The following ARSJ variants were observed in gnomAD, a reference collection of about 807,000 sequenced individuals.
ARSJ encodes arylsulfatase J.
Under a neutral mutation model 35.9 loss-of-function variants are expected in ARSJ, and 26 were observed. That is an observed-to-expected ratio of 0.72 (90% CI 0.53 to 1.00). ARSJ has a LOEUF of 1.00. Ranked by LOEUF, ARSJ falls within the 50% of genes least tolerant of loss-of-function variation. The pLI, the probability that ARSJ is intolerant of heterozygous loss-of-function variation, is 0.00. For missense variants in ARSJ, 667 were observed against 723.6 expected (o/e 0.92, Z 0.90); for synonymous variants, 294 against 267.6 (o/e 1.10, Z -0.96).
intron 1 of ARSJ, chr4:113,906,800 C>A: frequency 2.2e-6 from 1 of 453,620 alleles, no homozygotes; most frequent in South Asian, 1.6e-5. Flanking sequence ...TGGAAGGGAG[C>A]AGAGTCTAGT....
Position 113,902,961 on chromosome 4 carries a change from A to G in ARSJ, c.1113T>C (p.Cys371=). The G allele has an allele frequency of 1.2e-6, 2 of 1,614,192 alleles. No homozygotes were observed. The highest frequency in any genetic ancestry group is 1.7e-6 in the Non-Finnish European group (2 of 1,180,032). ...AGTCAGTGATGTGCACAAGTTCCTT[A>G]CACACTGTTCCCTTGTTTTTCAGAA... ...SPLLKNKGTV[C]KELVHITDWY... The change falls in exon 2 of 2, where the codon TGT becomes TGC. Residue 371 remains cysteine (C), a synonymous_variant. Transcript: ENST00000315366.
At position 113,978,920 on chromosome 4, in the gene ARSJ, A is replaced by T. The variant is rs1727766754; in HGVS notation, c.-86T>A. Reference sequence around the variant, plus strand: ...GCACACATGCACCCAACAGACGGTGAAGACTCTCCACCTGGCAAGAAATCC... The same window carrying T: ...GCACACATGCACCCAACAGACGGTGTAGACTCTCCACCTGGCAAGAAATCC... On this transcript the variant is annotated 5_prime_UTR_variant, in exon 1 of 2. Transcript: ENST00000315366. The T allele has an allele frequency of 9.4e-6, 13 of 1,386,056 alleles. No homozygotes were observed. The highest frequency in any genetic ancestry group is 1.3e-5 in the Non-Finnish European group (13 of 1,025,288). 85.9% of individuals were successfully genotyped at this position (1,386,056 alleles called of 1,614,324 possible).
rs141399814 is a variant in ARSJ, at chr4:113,958,091, A to G, written c.398+20346T>C. 7.3e-4 allele frequency among the ~76,000 whole-genome samples: 111 copies of G among 152,206 alleles called. 1 individual carries two copies. Among genetic ancestry groups the G allele is most frequent in the South Asian group, 5.2e-3 (25 of 4,826 alleles). On this transcript the variant is annotated intron_variant, in intron 1 of 1. Transcript: ENST00000315366. ...TATGGAAAGTTATAAATGGAGCCCA[A>G]GTTTGCTTGGAATCTAATTAGAGAT...
At chr4:113,939,421 T>C (rs1037316687) in intron 1 of ARSJ, among the ~76,000 whole-genome samples, 1 of 151,912 alleles carries the variant, frequency 6.6e-6, no homozygotes, top group Admixed American at 6.6e-5. Flanking sequence ...TTTGGGTATA[T>C]ACCCAGTAAT....
chr4:113,927,349 T>C (rs1276924571), intron 1 of ARSJ, among the ~76,000 whole-genome samples: 2 of 152,208 alleles, frequency 1.3e-5, no homozygotes, highest in Non-Finnish European at 2.9e-5. Context: ...CACACAACTG[T>C]CTCACCAATA....
At chr4:113,945,426 C>T (rs960438573) in intron 1 of ARSJ, among the ~76,000 whole-genome samples, 1 of 152,104 alleles carries the variant, frequency 6.6e-6, no homozygotes, top group Admixed American at 6.6e-5. Flanking sequence ...GTGAGAGCCA[C>T]CATACGTGGC....
At chr4:113,921,977 A>T (rs1723709734) in intron 1 of ARSJ, among the ~76,000 whole-genome samples, 1 of 152,168 alleles carries the variant, frequency 6.6e-6, no homozygotes, top group South Asian at 2.1e-4. Context: ...AACAGCCATC[A>T]TGCTTGGACA....
intron 1 of ARSJ, among the ~76,000 whole-genome samples, chr4:113,910,758 C>T (rs2099670188): frequency 6.6e-6 from 1 of 152,124 alleles, no homozygotes; most frequent in Non-Finnish European, 1.5e-5. Flanking sequence ...GTTTAACACT[C>T]CTTCTCCTAC....
At chr4:113,912,929 T>A (rs929479213) in intron 1 of ARSJ, among the ~76,000 whole-genome samples, 6 of 152,158 alleles carry the variant, frequency 3.9e-5, no homozygotes, top group Admixed American at 3.3e-4. Flanking sequence ...AAAACTAGCT[T>A]ATTCTACTCA....
At chr4:113,939,166 G>GT (rs1028851567) in intron 1 of ARSJ, among the ~76,000 whole-genome samples, 1 of 149,082 alleles carries the variant, frequency 6.7e-6, no homozygotes, top group African/African-American at 2.5e-5. Flanking sequence ...GCGGTGTTTG[G>GT]TTTTTTGTCC....
intron 1 of ARSJ, among the ~76,000 whole-genome samples, chr4:113,975,521 C>T (rs149940730): frequency 2.2e-4 from 34 of 152,132 alleles, no homozygotes; most frequent in African/African-American, 7.9e-4. Context: ...TGAAATAAAT[C>T]AAACACAGGC....
At chr4:113,931,448 GT>G (rs913002724) in intron 1 of ARSJ, among the ~76,000 whole-genome samples, 4 of 152,044 alleles carry the variant, frequency 2.6e-5, no homozygotes, top group African/African-American at 9.7e-5. Flanking sequence ...GAGCAGCTAT[GT>G]TTTCCACCTG....
chr4:113,924,032 TATAAATATATATAAATATATATAA>T (rs1334099449), intron 1 of ARSJ, among the ~76,000 whole-genome samples: 11 of 3,734 alleles, frequency 2.9e-3, no homozygotes, highest in Non-Finnish European at 4.8e-3. Flanking sequence ...CATATATATA[TATAAATATATATAAATATATATAA>T]ATATATATAA....
chr4:113,935,570 T>C (rs1724717005), intron 1 of ARSJ, among the ~76,000 whole-genome samples: 1 of 151,664 alleles, frequency 6.6e-6, no homozygotes, highest in Non-Finnish European at 1.5e-5. Flanking sequence ...TAGTAAAGAG[T>C]AGTATCTGAG....
At chr4:113,927,941 T>C (rs1163654758) in intron 1 of ARSJ, among the ~76,000 whole-genome samples, 2 of 152,158 alleles carry the variant, frequency 1.3e-5, no homozygotes, top group African/African-American at 4.8e-5. Flanking sequence ...CCCACCATAA[T>C]AGCCCTTACC....
Position 113,901,445 on chromosome 4 carries a change from AATT to A in ARSJ, c.*826_*828del, listed in dbSNP as rs1181910500. The A allele has an allele frequency of 2.0e-5, 3 of 147,452 alleles. No homozygotes were observed. Among genetic ancestry groups the A allele is most frequent in the Non-Finnish European group, 4.5e-5 (3 of 66,542 alleles). The allele number at this position is 147,452 out of a possible 1,614,324, so 9.1% of individuals were successfully genotyped here. On this transcript the variant is annotated 3_prime_UTR_variant, in exon 2 of 2. Coordinates refer to ENST00000315366, the MANE Select transcript of ARSJ (RefSeq NM_024590.4). ...TTGGTAATTTGAAGAAATGAAATAA[AATT>A]ATTCTAATGGTATGCAGGAAATAAA...
chr4:113,903,387 G>C lies in ARSJ; in HGVS notation c.687C>G (p.Ala229=). 6.2e-7 allele frequency: 1 copy of C among 1,614,142 alleles called. No individual in the cohort carries two copies. Among genetic ancestry groups the C allele is most frequent in the Non-Finnish European group, 8.5e-7 (1 of 1,180,030 alleles). The stretch of plus-strand genomic sequence containing the variant: ...AGTATATGCCATTGTCATAGTCCCA[G>C]GCAGCATTGTCGTTTTCATACAAGT... ...GYDLYENDNA[A]WDYDNGIYST... is the part of the protein sequence containing the mutation. The change falls in exon 2 of 2, where the codon GCC becomes GCG. Residue 229 remains alanine (A), a synonymous_variant. Coordinates refer to ENST00000315366, the MANE Select transcript of ARSJ (RefSeq NM_024590.4).
intron 1 of ARSJ, among the ~76,000 whole-genome samples, chr4:113,948,201 A>G (rs1725624508): frequency 6.6e-6 from 1 of 152,024 alleles, no homozygotes; most frequent in Non-Finnish European, 1.5e-5. Flanking sequence ...AAAAAAATTA[A>G]CATAGTATTT....
intron 1 of ARSJ, among the ~76,000 whole-genome samples, chr4:113,922,949 C>T (rs925669228): frequency 3.3e-5 from 5 of 152,188 alleles, no homozygotes; most frequent in African/African-American, 2.4e-5. Flanking sequence ...TCATTTAAGT[C>T]GGTTGACTTT....
Sources: gnomAD v4.1 joint callset for allele counts (sites outside exome capture counted in the v4.1 genomes callset) on GRCh38, gnomAD v4.1.1 for gene constraint, MANE v1.5 for transcripts, NCBI Gene and HGNC (gene_info 2026-07-23, HGNC 2026-07-21) for gene names.